CCNJL: variants seen among roughly 807,000 people sequenced by gnomAD.
CCNJL encodes cyclin-J-like protein.
CCNJL carries 33 observed loss-of-function variants against 33.4 expected under a neutral mutation model. That is an observed-to-expected ratio of 0.99 (90% CI 0.75 to 1.32). The LOEUF is 1.32. Among genes scored for constraint, CCNJL ranks in the 40% most tolerant of loss-of-function variants. The pLI is 0.00. For synonymous variants in CCNJL, 227 were observed against 220.9 expected, an observed-to-expected ratio of 1.03 and a Z score of -0.24; for missense variants, 512 against 499.7, an observed-to-expected ratio of 1.02 and a Z score of -0.23.
chr5:160,275,547 A>G (rs1241077670), intron 3 of CCNJL, among the ~76,000 whole-genome samples: 6 of 151,692 alleles, frequency 4.0e-5, no homozygotes, highest in Non-Finnish European at 7.4e-5. Flanking sequence ...TGCAGTGTCA[A>G]GATCTCAGCT....
chr5:160,325,752 T>C (rs1763526744), intron 1 of CCNJL, among the ~76,000 whole-genome samples: 1 of 152,216 alleles, frequency 6.6e-6, no homozygotes, highest in African/African-American at 2.4e-5. Context: ...ATCCTGATTT[T>C]CATCTTCTCT....
chr5:160,288,967 A>T (rs10059192), intron 2 of CCNJL, among the ~76,000 whole-genome samples: 28,769 of 152,062 alleles, frequency 0.19, 4,662 homozygotes, highest in African/African-American at 0.44. Flanking sequence ...TGCCATAGCG[A>T]TCTACAACTG....
At chr5:160,255,391 C>G in intron 5 of CCNJL, 158 bp downstream of exon 5, 1 of 598,304 alleles carries the variant, frequency 1.7e-6, no homozygotes, top group East Asian at 2.7e-5. Flanking sequence ...AACCCCACTT[C>G]TACCAGGAGT....
At chr5:160,299,327 T>C (rs1269431355) in intron 2 of CCNJL, among the ~76,000 whole-genome samples, 1 of 152,024 alleles carries the variant, frequency 6.6e-6, no homozygotes, top group Non-Finnish European at 1.5e-5. Context: ...TTTTTTTGTA[T>C]TTTTAGTAGA....
upstream of CCNJL, among the ~76,000 whole-genome samples, chr5:160,313,342 G>A (rs375210788): frequency 6.6e-6 from 1 of 152,164 alleles, no homozygotes; most frequent in South Asian, 2.1e-4. Context: ...TACCAACTGG[G>A]TGATTTTTGT....
intron 4 of CCNJL, chr5:160,258,709 CA>C (rs201255607): frequency 3.6e-5 from 26 of 727,308 alleles, no homozygotes; most frequent in South Asian, 7.4e-5. Flanking sequence ...AAAAAACAAA[CA>C]AAAAAAAGAC....
chr5:160,280,448 G>A (rs1372219130), intron 3 of CCNJL, 77 bp downstream of exon 3: 2 of 1,157,594 alleles, frequency 1.7e-6, no homozygotes, highest in Non-Finnish European at 2.5e-6. Context: ...AAAATGTAAA[G>A]TGATTTGGAA....
At chr5:160,320,339 T>C (rs1224126709) in intron 1 of CCNJL, among the ~76,000 whole-genome samples, 2 of 152,148 alleles carry the variant, frequency 1.3e-5, no homozygotes, top group Non-Finnish European at 2.9e-5. Flanking sequence ...CAGTTTCTCC[T>C]TCTGTGAAAG....
chr5:160,283,747 C>T (rs1285274274), intron 2 of CCNJL, among the ~76,000 whole-genome samples: 1 of 152,088 alleles, frequency 6.6e-6, no homozygotes, highest in African/African-American at 2.4e-5. Context: ...TACCCATTAA[C>T]CATCCCCACC....
intron 1 of CCNJL, among the ~76,000 whole-genome samples, chr5:160,321,062 CTTT>C (rs1561812862): frequency 0.016 from 1,984 of 121,450 alleles, 63 homozygotes; most frequent in Middle Eastern, 0.03. Context: ...TTCTTTCTTT[CTTT>C]CTTTCTTTCT....
rs562611329 is a variant in CCNJL, at chr5:160,258,696, T to C, written c.583+773A>G. The C allele has an allele frequency of 4.1e-5, 32 of 774,114 alleles. No individual in the cohort carries two copies. The African/African-American group carries it at 4.8e-4, about 12-fold the overall frequency. The allele number at this position is 774,114 out of a possible 1,614,324, so 48.0% of individuals were successfully genotyped here. A position where few individuals can be genotyped will look rare whatever the true frequency, so the allele number is the denominator to read the frequency against. ...TGTTTTACTTTAAATAAATATCTAT[T>C]GTAAAAAACAAACAAAAAAAAGACA... On this transcript the variant is annotated intron_variant, in intron 4 of 5. Coordinates refer to ENST00000257536, the MANE Select transcript of CCNJL (RefSeq NM_001308173.3).
In CCNJL at chr5:160,287,247, T is replaced by TG; in HGVS notation, c.67-6510dup. 2.6e-5 allele frequency among the ~76,000 whole-genome samples: 4 copies of TG among 152,312 alleles called. No individual in the cohort carries two copies. In the Middle Eastern group the frequency reaches 0.014, roughly 518 times the overall value. ...AGTGGCCCTTCCTCTTCCCTCAAGC[T>TG]GGGGAATCAAGTCTCAGAGAAGTTG... is the stretch of plus-strand genomic sequence containing the variant. On this transcript the variant is annotated intron_variant, in intron 2 of 5. Coordinates refer to ENST00000257536, the MANE Select transcript of CCNJL (RefSeq NM_001308173.3).
rs544092120 is a variant in CCNJL at position 160,255,569 on chromosome 5, C to T, written c.723G>A (p.Thr241=). The T allele has an allele frequency of 3.3e-5, 53 of 1,614,086 alleles. No individual in the cohort carries two copies. The highest frequency in any genetic ancestry group is 8.0e-5 in the African/African-American group (6 of 75,064). The change falls in exon 5 of 6, where the codon ACG becomes ACA. Residue 241 remains threonine, a synonymous_variant. Transcript: ENST00000257536. ...CTTACACCAGCAGGATTTCAATACA[C>T]GTGCTGAGGTGCTCCAGGGAATAGC... is the stretch of plus-strand genomic sequence containing the variant. ...ISSYSLEHLS[T]CIEILLVVYD...
At chr5:160,295,532 C>G (rs1561798902) in intron 2 of CCNJL, among the ~76,000 whole-genome samples, 2 of 151,998 alleles carry the variant, frequency 1.3e-5, no homozygotes, top group South Asian at 2.1e-4. Context: ...CAGATGCAAT[C>G]AAGTTAAAAT....
rs1004983217 is a variant in CCNJL at position 160,337,128 on chromosome 5, T to C, written n.206+2317A>G. On this transcript the variant is annotated intron_variant and non_coding_transcript_variant, in intron 1 of 7. Transcript: ENST00000377503. ...AAGCAATCCTCCCACCTCAGCCTTC[T>C]GAGTAGCTGGGGCTACAGGCACGTA... is the stretch of plus-strand genomic sequence containing the variant. Among the ~76,000 whole-genome samples, 3 of 150,828 alleles carry C rather than the reference T, an allele frequency of 2.0e-5. 1 individual carries two copies. The highest frequency in any genetic ancestry group is 7.3e-5 in the African/African-American group (3 of 41,072).
At position 160,253,585 on chromosome 5, in the gene CCNJL, C is replaced by T. The variant is rs759656265; in HGVS notation, c.957G>A (p.Gly319=). The change falls in exon 6 of 6, where the codon GGG becomes GGA. Residue 319 remains glycine (G), a synonymous_variant. Coordinates refer to ENST00000257536, the MANE Select transcript of CCNJL (RefSeq NM_001308173.3). ...YRDSLQAHRS[G]SLLSGSTGSS... is the part of the protein sequence containing the mutation. ...AGCCTGTACTCCCCGAGAGCAGGCT[C>T]CCTGAACGGTGGGCCTGCAAGGAGT... is the stretch of plus-strand genomic sequence containing the variant. 14 of 1,613,932 alleles carry T rather than the reference C, an allele frequency of 8.7e-6. No individual in the cohort carries two copies. The highest frequency in any genetic ancestry group is 1.0e-5 in the Non-Finnish European group (12 of 1,179,988).
intron 3 of CCNJL, among the ~76,000 whole-genome samples, chr5:160,266,106 A>G (rs1761574342): frequency 6.6e-6 from 1 of 152,212 alleles, no homozygotes; most frequent in African/African-American, 2.4e-5. Context: ...GGGATCAAGG[A>G]CCGCCCAGTG....
At chr5:160,315,390 T>C (rs923929730), upstream of CCNJL, 27 of 431,888 alleles carry the variant, frequency 6.3e-5, no homozygotes, top group African/African-American at 5.4e-4. Flanking sequence ...ACCTGTAGTC[T>C]TAGCTGCTCA....
chr5:160,258,583 A>T lies in CCNJL; in HGVS notation c.583+886T>A, dbSNP rs972967612. 24 of 1,458,862 alleles carry T rather than the reference A, an allele frequency of 1.6e-5. 1 individual carries two copies. The highest frequency in any genetic ancestry group is 2.4e-4 in the Middle Eastern group (1 of 4,112). The allele number at this position is 1,458,862 out of a possible 1,614,324, so 90.4% of individuals were successfully genotyped here. A position where few individuals can be genotyped will look rare whatever the true frequency, so the allele number is the denominator to read the frequency against. ...AAAAGAAAGAGCAGAATGGGCAAAGAGGTAATCATGTAGTTGAAGTCTGTG... is the reference window on the plus strand; with the variant it reads ...AAAAGAAAGAGCAGAATGGGCAAAGTGGTAATCATGTAGTTGAAGTCTGTG... On this transcript the variant is annotated intron_variant, in intron 4 of 5. Transcript: ENST00000257536.
Sources: allele counts gnomAD v4.1 joint callset (sites outside exome capture counted in the v4.1 genomes callset), GRCh38; gene constraint gnomAD v4.1.1; transcripts MANE v1.5; gene names NCBI Gene and HGNC (gene_info 2026-07-23, HGNC 2026-07-21).